The following BTBD9 variants were observed in gnomAD, a reference collection of about 807,000 sequenced individuals.
BTBD9 encodes the protein BTB/POZ domain-containing protein 9.
Under a neutral mutation model 64.3 loss-of-function variants are expected in BTBD9, and 49 were observed. The ratio of observed to expected loss-of-function variants is 0.76; its 90% CI spans 0.61 to 0.97. BTBD9 has a LOEUF of 0.97. BTBD9 is among the 50% of genes least tolerant of loss of function. BTBD9 has a pLI of 0.00. For missense variants in BTBD9, 598 were observed against 762.1 expected, an observed-to-expected ratio of 0.78 and a Z score of 2.53; for synonymous variants, 260 against 274.7, an observed-to-expected ratio of 0.95 and a Z score of 0.53.
intron 6 of BTBD9, among the ~76,000 whole-genome samples, chr6:38,417,200 T>G (rs1039169166): frequency 1.3e-5 from 2 of 152,112 alleles, no homozygotes; most frequent in Admixed American, 6.5e-5. Flanking sequence ...ATCCTTGGCC[T>G]CCCAAAGCAC....
At chr6:38,358,962 G>A (rs1437397474) in intron 6 of BTBD9, among the ~76,000 whole-genome samples, 2 of 151,584 alleles carry the variant, frequency 1.3e-5, no homozygotes, top group African/African-American at 2.4e-5. Context: ...TAGTAGAGAC[G>A]GGGTTTCACC....
intron 7 of BTBD9, among the ~76,000 whole-genome samples, chr6:38,321,901 G>A (rs1382152644): frequency 6.6e-6 from 1 of 151,284 alleles, no homozygotes; most frequent in Non-Finnish European, 1.5e-5. Context: ...TTTTTTCAAA[G>A]CAGTCACTGT....
intron 4 of BTBD9, 99 bp downstream of exon 4, chr6:38,592,477 T>G (rs1776842092): frequency 1.6e-6 from 2 of 1,280,036 alleles, no homozygotes; most frequent in Admixed American, 2.1e-5. Context: ...ATATTTCATG[T>G]ACACCTGCAC....
Position 38,171,564 on chromosome 6 carries a change from G to C in BTBD9, c.*3421C>G, listed in dbSNP as rs1581985436. On this transcript the variant is annotated 3_prime_UTR_variant, in exon 11 of 11. Coordinates refer to ENST00000481247, the MANE Select transcript of BTBD9 (RefSeq NM_001099272.2). ...AGAAAATGGTAAAACGGGTGTGTGT[G>C]TGTGTGTGTGTGTGTGTGTGTGTGT... 3 of 11,862 alleles carry C rather than the reference G, an allele frequency of 2.5e-4. No homozygotes were observed. The highest frequency in any genetic ancestry group is 8.1e-4 in the African/African-American group (3 of 3,708). The allele number at this position is 11,862 out of a possible 1,614,324, so 0.7% of individuals were successfully genotyped here. A position where few individuals can be genotyped will look rare whatever the true frequency, so the allele number is the denominator to read the frequency against.
chr6:38,438,699 A>G (rs1445648177), intron 6 of BTBD9, among the ~76,000 whole-genome samples: 1 of 152,348 alleles, frequency 6.6e-6, no homozygotes, highest in Non-Finnish European at 1.5e-5. Flanking sequence ...TGTACCAGGT[A>G]TAGTTCTAGG....
intron 6 of BTBD9, among the ~76,000 whole-genome samples, chr6:38,456,881 C>T (rs1487658390): frequency 1.3e-5 from 2 of 152,150 alleles, no homozygotes; most frequent in East Asian, 1.9e-4. Flanking sequence ...TTTGCCATAC[C>T]CTTTCACTAA....
intron 9 of BTBD9, among the ~76,000 whole-genome samples, chr6:38,199,982 C>A (rs1368018094): frequency 6.6e-6 from 1 of 152,230 alleles, no homozygotes; most frequent in Non-Finnish European, 1.5e-5. Flanking sequence ...ATTTTAGGAC[C>A]TGCCTCTACA....
intron 7 of BTBD9, among the ~76,000 whole-genome samples, chr6:38,304,893 T>C (rs2127566732): frequency 6.6e-6 from 1 of 152,256 alleles, no homozygotes; most frequent in East Asian, 1.9e-4. Context: ...TCTAGCACTG[T>C]CCCACTTAAT....
chr6:38,432,174 T>C (rs1768470732), intron 6 of BTBD9, among the ~76,000 whole-genome samples: 1 of 151,986 alleles, frequency 6.6e-6, no homozygotes, highest in African/African-American at 2.4e-5. Context: ...CTTTTCACCA[T>C]GTTATGATGT....
intron 6 of BTBD9, among the ~76,000 whole-genome samples, chr6:38,456,411 T>C (rs143367770): frequency 4.2e-4 from 64 of 152,384 alleles, no homozygotes; most frequent in African/African-American, 1.5e-3. Flanking sequence ...TGTTTAACTT[T>C]GTAAGAACAA....
In BTBD9 at chr6:38,184,149, G is replaced by A. The variant is rs1761708473; in HGVS notation, c.1641+8370C>T. On this transcript the variant is annotated intron_variant, in intron 10 of 10. Coordinates refer to ENST00000481247, the MANE Select transcript of BTBD9 (RefSeq NM_001099272.2). This position sits in a 1 kb window ranked among gnomAD's most constrained non-coding sequence, Gnocchi z 4.4. ...TGCTGTGTTTGCTTACCCATCCTCT[G>A]TGGATGGACGCTCGTGGTATCCCGT... Among the ~76,000 whole-genome samples the A allele has an allele frequency of 6.6e-6, 1 of 152,200 alleles. No homozygotes were observed. The highest frequency in any genetic ancestry group is 1.5e-5 in the Non-Finnish European group (1 of 68,034).
chr6:38,513,567 T>G, intron 6 of BTBD9, among the ~76,000 whole-genome samples: 1 of 152,106 alleles, frequency 6.6e-6, no homozygotes, highest in East Asian at 1.9e-4. Context: ...TAAAATCAAA[T>G]TAGGTCTACT....
At chr6:38,330,335 G>T (rs1763625689) in intron 7 of BTBD9, among the ~76,000 whole-genome samples, 1 of 152,150 alleles carries the variant, frequency 6.6e-6, no homozygotes, top group Non-Finnish European at 1.5e-5. Context: ...TTACAGGTGT[G>T]AGCCACTGTG....
intron 6 of BTBD9, among the ~76,000 whole-genome samples, chr6:38,458,412 A>G (rs1769918458): frequency 6.6e-6 from 1 of 152,202 alleles, no homozygotes; most frequent in South Asian, 2.1e-4. Flanking sequence ...CTGCTGCCCT[A>G]CATTCCTTCC....
chr6:38,588,942 G>A (rs144219952), intron 4 of BTBD9, among the ~76,000 whole-genome samples: 15 of 152,240 alleles, frequency 9.9e-5, no homozygotes, highest in Admixed American at 9.8e-4. Flanking sequence ...TAATAAAGAT[G>A]ATTGAATTAA....
intron 6 of BTBD9, among the ~76,000 whole-genome samples, chr6:38,569,546 T>C (rs550410042): frequency 2.2e-4 from 34 of 152,348 alleles, no homozygotes; most frequent in African/African-American, 7.5e-4. Flanking sequence ...AGGTGATTAA[T>C]GTTAGTAACA....
At chr6:38,202,475 A>T (rs1199428618) in intron 9 of BTBD9, among the ~76,000 whole-genome samples, 3 of 152,314 alleles carry the variant, frequency 2.0e-5, no homozygotes, top group African/African-American at 7.2e-5. Context: ...ATCCTAAGAA[A>T]AAAGAACAAA....
At chr6:38,546,548 T>C (rs1163591114) in intron 6 of BTBD9, among the ~76,000 whole-genome samples, 1 of 152,254 alleles carries the variant, frequency 6.6e-6, no homozygotes, top group Non-Finnish European at 1.5e-5. Flanking sequence ...TGAGCAAGTA[T>C]ATTAGCACTA....
At position 38,572,999 on chromosome 6, in the gene BTBD9, T is replaced by A. The variant is rs1008814078; in HGVS notation, c.1154+4601A>T. ...ATATATGACAGGCAAAAGGATAATG[T>A]CATATATATATATGTATTGATACAA... On this transcript the variant is annotated intron_variant, in intron 6 of 10. Coordinates refer to ENST00000481247, the MANE Select transcript of BTBD9 (RefSeq NM_001099272.2). 4.6e-5 allele frequency among the ~76,000 whole-genome samples: 7 copies of A among 151,934 alleles called. No individual in the cohort carries two copies. The South Asian group carries it at 6.2e-4, about 14-fold the overall frequency.
Sources: gnomAD v4.1 joint callset for allele counts (sites outside exome capture counted in the v4.1 genomes callset) on GRCh38, gnomAD v4.1.1 for gene constraint, Gnocchi (gnomAD v3.1) non-coding constraint, MANE v1.5 for transcripts, NCBI Gene and HGNC (gene_info 2026-07-23, HGNC 2026-07-21) for gene names.